The following INPP5B variants were observed in gnomAD, a reference collection of about 807,000 sequenced individuals.
The protein encoded by INPP5B is type II inositol 1,4,5-trisphosphate 5-phosphatase.
INPP5B carries 90 observed loss-of-function variants against 118.5 expected under a neutral mutation model. The ratio of observed to expected loss-of-function variants is 0.76; its 90% CI spans 0.64 to 0.90. The LOEUF is 0.90. Among genes scored for constraint, INPP5B ranks in the 40% least tolerant of loss-of-function variants. The pLI, the probability that INPP5B is intolerant of heterozygous loss-of-function variation, is 0.00. For missense variants in INPP5B, 984 were observed against 1,125.6 expected (o/e 0.87, Z 1.80); for synonymous variants, 385 against 418.9 (o/e 0.92, Z 0.99).
chr1:37,904,818 G>A (rs573471860), intron 7 of INPP5B, among the ~76,000 whole-genome samples: 62 of 151,732 alleles, frequency 4.1e-4, no homozygotes, highest in East Asian at 2.9e-3. Flanking sequence ...CAGAGGTTGC[G>A]GTGAGCCAAG....
At chr1:37,930,672 G>A (rs1407862827) in intron 7 of INPP5B, 1 of 152,256 alleles carries the variant, frequency 6.6e-6, no homozygotes, top group Non-Finnish European at 1.5e-5. Context: ...CGCACCTTGT[G>A]ATGGCTGCAA....
rs1031794810 is a variant in INPP5B at position 37,861,371 on chromosome 1, A to C, written c.*944T>G. The C allele has an allele frequency of 6.6e-6, 1 of 152,230 alleles. No individual in the cohort carries two copies. The highest frequency in any genetic ancestry group is 2.4e-5 in the African/African-American group (1 of 41,450). The allele number at this position is 152,230 out of a possible 1,614,324, so 9.4% of individuals were successfully genotyped here. A position where few individuals can be genotyped will look rare whatever the true frequency, so the allele number is the denominator to read the frequency against. On this transcript the variant is annotated 3_prime_UTR_variant, in exon 24 of 24. Transcript: ENST00000373024. ...TTCCATCAAATATCTGATCATGGGG[A>C]TCTCAGCCCAGACTGACTATGCCCT...
intron 5 of INPP5B, among the ~76,000 whole-genome samples, chr1:37,942,853 G>C (rs1645982938): frequency 1.3e-5 from 2 of 149,116 alleles, no homozygotes; most frequent in African/African-American, 4.9e-5. Context: ...AGGTTGCAGT[G>C]AGCCAAGATC....
chr1:37,896,470 TG>T (rs1557664317), intron 7 of INPP5B, among the ~76,000 whole-genome samples: 2 of 118,298 alleles, frequency 1.7e-5, no homozygotes, highest in South Asian at 2.8e-4. Context: ...GGGAGGGAGG[TG>T]GGGGGATCAG....
chr1:37,918,801 T>G (rs929470660), intron 7 of INPP5B, among the ~76,000 whole-genome samples: 1 of 152,172 alleles, frequency 6.6e-6, no homozygotes, highest in African/African-American at 2.4e-5. Context: ...CCTAGCACAA[T>G]GCCTGGTACA....
At chr1:37,887,248 T>A (rs542768443) in intron 11 of INPP5B, 103 bp downstream of exon 11, 1 of 847,776 alleles carries the variant, frequency 1.2e-6, no homozygotes, top group East Asian at 2.4e-5. Context: ...TGCGGGATAA[T>A]TAAGACTGGC....
intron 7 of INPP5B, among the ~76,000 whole-genome samples, chr1:37,922,682 C>T (rs984046315): frequency 6.6e-6 from 1 of 152,022 alleles, no homozygotes; most frequent in East Asian, 1.9e-4. Context: ...GGTGACACAG[C>T]GAGACTCCGT....
Position 37,882,881 on chromosome 1 carries a change from C to T in INPP5B, c.1357G>A (p.Glu453Lys). ...TTCACTTTTTCCACATCCAGCTCTT[C>T]TATCCTGTAGTTGAGGTCCCCCAGC... ...LWLGDLNYRI[E>K]ELDVEKVKKL... Residue 453 changes from glutamate (E) to lysine (K), a missense_variant, in exon 14 of 24, where the codon GAA (glutamate) becomes AAA (lysine). Physicochemically the swap from Glu to Lys is moderately conservative, Grantham distance 56. Transcript: ENST00000373024. 6.2e-7 allele frequency: 1 copy of T among 1,614,100 alleles called. No homozygotes were observed. The highest frequency in any genetic ancestry group is 8.5e-7 in the Non-Finnish European group (1 of 1,179,998).
intron 7 of INPP5B, chr1:37,931,682 T>G (rs1570364701): frequency 2.0e-6 from 3 of 1,525,878 alleles, no homozygotes; most frequent in East Asian, 4.9e-5. Flanking sequence ...CCTGCAGTGT[T>G]GCGCTCCCGA....
At position 37,872,953 on chromosome 1, in the gene INPP5B, G is replaced by A; in HGVS notation, c.2164C>T (p.Pro722Ser). The A allele has an allele frequency of 1.2e-6, 2 of 1,613,950 alleles. No individual in the cohort carries two copies. The highest frequency in any genetic ancestry group is 1.7e-6 in the Non-Finnish European group (2 of 1,179,850). ...CYMREPILDL[P>S]LETISELTLM... ...ACCAGCTCACTAATGGTTTCAAGTGGTAGGTCCAAGATTGGCTCTCTCATG... is the reference window on the plus strand; with the variant it reads ...ACCAGCTCACTAATGGTTTCAAGTGATAGGTCCAAGATTGGCTCTCTCATG... Residue 722 changes from proline (P) to serine (S), a missense_variant, in exon 19 of 24, where the codon CCA (proline) becomes TCA (serine). Around this residue, in one of 2 missense-constraint regions of INPP5B, gnomAD observed 634 missense variants for 791.0 expected, o/e 0.80. Coordinates refer to ENST00000373024, the MANE Select transcript of INPP5B (RefSeq NM_005540.3).
intron 17 of INPP5B, among the ~76,000 whole-genome samples, chr1:37,874,511 A>G (rs1416122217): frequency 2.0e-5 from 3 of 152,224 alleles, no homozygotes; most frequent in African/African-American, 7.2e-5. Context: ...TAAAAATGCC[A>G]TCTGCGGCTG....
chr1:37,938,162 G>A (rs1052339694), intron 6 of INPP5B, among the ~76,000 whole-genome samples: 9 of 151,768 alleles, frequency 5.9e-5, no homozygotes, highest in African/African-American at 9.7e-5. Flanking sequence ...CCAGCTACTC[G>A]GGAGGCTGAG....
At position 37,889,706 on chromosome 1, in the gene INPP5B, G is replaced by C. The variant is rs553493470; in HGVS notation, c.648C>G (p.Ser216=). The change falls in exon 9 of 24, where the codon TCC becomes TCG. Residue 216 remains serine (S), a synonymous_variant. Coordinates refer to ENST00000373024, the MANE Select transcript of INPP5B (RefSeq NM_005540.3). ...AGGAGCGAACCATGTCAGTAATTTC[G>C]GACTTGGATTTATTCTGTCTGGAAA... The part of the protein sequence containing the change: ...SLQPRQNKSK[S]EITDMVRSST... The C allele has an allele frequency of 3.1e-6, 5 of 1,611,226 alleles. No homozygotes were observed. The Admixed American group carries it at 8.4e-5, about 27-fold the overall frequency.
intron 7 of INPP5B, among the ~76,000 whole-genome samples, chr1:37,903,710 G>A (rs1337049747): frequency 1.6e-5 from 2 of 121,914 alleles, no homozygotes; most frequent in Non-Finnish European, 3.6e-5. Context: ...CTGGGCAACA[G>A]AGAGAGACTC....
chr1:37,917,963 T>C (rs1644931892), intron 7 of INPP5B, among the ~76,000 whole-genome samples: 1 of 152,154 alleles, frequency 6.6e-6, no homozygotes, highest in Non-Finnish European at 1.5e-5. Flanking sequence ...AGACGTTCTG[T>C]ATGCAGGGGG....
At chr1:37,929,670 A>G (rs1205117533) in intron 7 of INPP5B, 1 of 152,058 alleles carries the variant, frequency 6.6e-6, no homozygotes. Flanking sequence ...TTTCTTACCA[A>G]TTTTAGCAGG....
chr1:37,936,901 C>A (rs1645716254), intron 6 of INPP5B, among the ~76,000 whole-genome samples: 1 of 151,856 alleles, frequency 6.6e-6, no homozygotes, highest in South Asian at 2.1e-4. Flanking sequence ...CTAATCCTGG[C>A]GCTATCGTTT....
intron 7 of INPP5B, among the ~76,000 whole-genome samples, chr1:37,894,549 TTTTTC>T (rs1643948505): frequency 6.7e-6 from 1 of 149,896 alleles, no homozygotes; most frequent in Admixed American, 6.7e-5. Context: ...TGCGTCTATG[TTTTTC>T]TTTTTTCTTT....
rs1482089231 is a variant in INPP5B, at chr1:37,907,323, T to C, written c.533-15869A>G. Among the ~76,000 whole-genome samples, 1 of 152,212 alleles carries C rather than the reference T, an allele frequency of 6.6e-6. No individual in the cohort carries two copies. Among genetic ancestry groups the C allele is most frequent in the Admixed American group, 6.6e-5 (1 of 15,266 alleles). On this transcript the variant is annotated intron_variant, in intron 7 of 23. Transcript: ENST00000373024. This position sits in a 1 kb window ranked among gnomAD's most constrained non-coding sequence, Gnocchi z 4.3. ...TGAATGGCCTTGCCATACTGCTGCT[T>C]TCTGACTGAGCTCCTCTCTACCCTG...
Sources: allele counts gnomAD v4.1 joint callset (sites outside exome capture counted in the v4.1 genomes callset), GRCh38; gene constraint gnomAD v4.1.1; regional missense constraint gnomAD v4.1.1; non-coding constraint Gnocchi (gnomAD v3.1); transcripts MANE v1.5; gene names NCBI Gene and HGNC (gene_info 2026-07-23, HGNC 2026-07-21).